Variants in WDR87 observed in about 807,000 individuals in gnomAD.
WDR87 encodes WD repeat-containing protein 87.
WDR87 carries 56 observed loss-of-function variants against 83.3 expected under a neutral mutation model. That is an observed-to-expected ratio of 0.67 (90% confidence interval 0.54 to 0.84). The LOEUF (loss-of-function observed/expected upper bound fraction) is 0.84, where lower values mean the gene tolerates loss of function less well. Among genes scored for constraint, WDR87 ranks in the 40% least tolerant of loss-of-function variants. The pLI is 0.00. For missense variants in WDR87, 2,939 were observed against 3,431.9 expected (o/e 0.86, Z 3.59); for synonymous variants, 1,173 against 1,250.6 (o/e 0.94, Z 1.31).
In WDR87 at chr19:37,898,214, A is replaced by C. The variant is rs2046271027; in HGVS notation, c.26T>G (p.Leu9Arg). Residue 9 changes from leucine (L) to arginine (R), a missense_variant, in exon 2 of 6, where the codon CTG becomes CGG. Around this residue, in one of 3 missense-constraint regions of WDR87, gnomAD observed 226 missense variants for 320.9 expected, o/e 0.70. Transcript: ENST00000447313. MSSPRLIPLWKDLKLLLND... is the reference protein window; with the variant it reads MSSPRLIPRWKDLKLLLND... The stretch of plus-strand genomic sequence containing the variant: ...TAGGAGGAGTTTTAAATCTTTCCAC[A>C]GGGGAATGAGCCTGGGGGAAGACAT... The C allele has an allele frequency of 2.6e-6, 4 of 1,551,582 alleles. No individual in the cohort carries two copies. The highest frequency in any genetic ancestry group is 2.6e-6 in the Non-Finnish European group (3 of 1,146,996).
At chr19:37,897,874 C>G (rs539241203) in intron 2 of WDR87, among the ~76,000 whole-genome samples, 2 of 152,042 alleles carry the variant, frequency 1.3e-5, no homozygotes, top group Non-Finnish European at 2.9e-5. Flanking sequence ...GGCGACAGAA[C>G]GAGACTGTGT....
rs185545120 is a variant in WDR87 at position 37,898,222 on chromosome 19, G to A, written c.18C>T (p.Leu6=). MSSPR[L]IPLWKDLKLL... is the part of the protein sequence containing the mutation. ...GTTTTAAATCTTTCCACAGGGGAATGAGCCTGGGGGAAGACATCACCGTCA... is the reference window on the plus strand; with the variant it reads ...GTTTTAAATCTTTCCACAGGGGAATAAGCCTGGGGGAAGACATCACCGTCA... Residue 6 remains leucine, a synonymous_variant, in exon 2 of 6, where the codon CTC becomes CTT. Coordinates refer to ENST00000447313, the MANE Select transcript of WDR87 (RefSeq NM_001291088.2). 103 of 1,551,650 alleles carry A rather than the reference G, an allele frequency of 6.6e-5. No individual in the cohort carries two copies. The highest frequency in any genetic ancestry group is 3.8e-4 in the African/African-American group (28 of 73,152).
intron 2 of WDR87, among the ~76,000 whole-genome samples, chr19:37,896,666 T>C (rs2046258546): frequency 6.6e-6 from 1 of 152,200 alleles, no homozygotes; most frequent in South Asian, 2.1e-4. Flanking sequence ...TTGCCCAGGC[T>C]GGAATGCAGT....
In WDR87 at chr19:37,893,846, A is replaced by T; in HGVS notation, c.1857T>A (p.Ser619Arg). The T allele has an allele frequency of 6.4e-7, 1 of 1,551,852 alleles. No homozygotes were observed. Among genetic ancestry groups the T allele is most frequent in the Non-Finnish European group, 8.7e-7 (1 of 1,147,032 alleles). The change falls in exon 4 of 6, where the codon AGT becomes AGA. Residue 619 changes from serine (S) to arginine (R), a missense_variant. Ser to Arg is a moderately radical substitution (Grantham distance 110, BLOSUM62 -1). Around this residue, in one of 3 missense-constraint regions of WDR87, gnomAD observed 553 missense variants for 577.9 expected, o/e 0.96. Coordinates refer to ENST00000447313, the MANE Select transcript of WDR87 (RefSeq NM_001291088.2). ...CATCGGCAGAACCTGTGACAAAAAG[A>T]CTCAAGGAGAGGCAGACATCAAAGG... ...ITSFDVCLSLSLFVTGSADGS... is the reference protein window; with the variant it reads ...ITSFDVCLSLRLFVTGSADGS...
At position 37,895,094 on chromosome 19, in the gene WDR87, C is replaced by T. The variant is rs1263946049; in HGVS notation, c.609G>A (p.Leu203=). 1.1e-5 allele frequency: 17 copies of T among 1,551,706 alleles called. No individual in the cohort carries two copies. Among genetic ancestry groups the T allele is most frequent in the Non-Finnish European group, 1.4e-5 (16 of 1,146,978 alleles). Residue 203 remains leucine, a synonymous_variant, in exon 4 of 6, where the codon CTG becomes CTA. Coordinates refer to ENST00000447313, the MANE Select transcript of WDR87 (RefSeq NM_001291088.2). ...CCAGGAGGGAGCCACTGGGACCATTCAGCACGATGTCCTGGACAAGCTCAT... is the reference window on the plus strand; with the variant it reads ...CCAGGAGGGAGCCACTGGGACCATTTAGCACGATGTCCTGGACAAGCTCAT... The part of the protein sequence containing the change: ...PGDELVQDIV[L]NGPSGSLLAL...
intron 3 of WDR87, 26 bp from the exon 4 acceptor site, chr19:37,895,482 C>T (rs754121185): frequency 6.5e-7 from 1 of 1,538,218 alleles, no homozygotes; most frequent in Non-Finnish European, 8.8e-7. Context: ...AAGGAAACTG[C>T]CTAGGCCGGG....
chr19:37,896,366 C>A (rs1445219918), intron 2 of WDR87, 58 bp from the exon 3 acceptor site: 20 of 1,517,772 alleles, frequency 1.3e-5, no homozygotes, highest in South Asian at 6.3e-5. Context: ...TAAATATATT[C>A]TCGCACAAGT....
Position 37,885,966 on chromosome 19 carries a change from G to A in WDR87, c.7705C>T (p.His2569Tyr). 2.6e-6 allele frequency: 4 copies of A among 1,552,150 alleles called. No individual in the cohort carries two copies. Among genetic ancestry groups the A allele is most frequent in the Non-Finnish European group, 2.6e-6 (3 of 1,147,086 alleles). The change falls in exon 6 of 6, where the codon CAT (histidine) becomes TAT (tyrosine). Residue 2569 changes from histidine (H) to tyrosine (Y), a missense_variant. By Grantham distance (83) the His-to-Tyr change is moderately conservative. Around this residue, in one of 3 missense-constraint regions of WDR87, gnomAD observed 2,160 missense variants for 2,533.1 expected, o/e 0.85. Transcript: ENST00000447313. ...VSLSDVEWIR[H>Y]VLERMEAGEQ... ...CCCGCTTCCATTCGTTCTAGGACAT[G>A]GCGGATCCACTCTACATCTGAGAGG...
At chr19:37,901,388 A>C (rs2046292966) in intron 1 of WDR87, among the ~76,000 whole-genome samples, 1 of 152,052 alleles carries the variant, frequency 6.6e-6, no homozygotes, top group Non-Finnish European at 1.5e-5. Flanking sequence ...CCGAGATTGC[A>C]GCACTGCATT....
In WDR87 at chr19:37,887,951, G is replaced by A; in HGVS notation, c.5720C>T (p.Thr1907Ile). 1 of 1,551,286 alleles carries A rather than the reference G, an allele frequency of 6.4e-7. No individual in the cohort carries two copies. Residue 1907 changes from threonine (T) to isoleucine (I), a missense_variant, in exon 6 of 6, where the codon ACC becomes ATC. Physicochemically the swap from Thr to Ile is moderately conservative, Grantham distance 89. Around this residue, in one of 3 missense-constraint regions of WDR87, gnomAD observed 2,160 missense variants for 2,533.1 expected, o/e 0.85. Coordinates refer to ENST00000447313, the MANE Select transcript of WDR87 (RefSeq NM_001291088.2). ...ENLLYNKERL[T>I]HSKKQLVQVK... ...TTGCACTAATTGCTTTTTGCTGTGG[G>A]TGAGTCTTTCTTTATTATAGAGTAG...
At chr19:37,900,525 C>T (rs936953686) in intron 1 of WDR87, among the ~76,000 whole-genome samples, 3 of 141,158 alleles carry the variant, frequency 2.1e-5, no homozygotes, top group African/African-American at 8.0e-5. Flanking sequence ...CACGCCACTG[C>T]ACTCTAGCCT....
At position 37,886,708 on chromosome 19, in the gene WDR87, T is replaced by C. The variant is rs540904747; in HGVS notation, c.6963A>G (p.Lys2321=). 9 of 1,450,120 alleles carry C rather than the reference T, an allele frequency of 6.2e-6. No individual in the cohort carries two copies. Among genetic ancestry groups the C allele is most frequent in the Non-Finnish European group, 8.4e-6 (9 of 1,068,222 alleles). The allele number at this position is 1,450,120 out of a possible 1,614,324, so 89.8% of individuals were successfully genotyped here. The change falls in exon 6 of 6, where the codon AAA becomes AAG. Residue 2321 remains lysine (K), a synonymous_variant. Transcript: ENST00000447313. ...TCTTCTTCTTCTTCTCCTCCTCTTC[T>C]TTCTCCACTTGCTTCTCCTCCCCTT... The part of the protein sequence containing the change: ...EEEGEEKQVE[K]EEEEKKKKKK...
intron 1 of WDR87, among the ~76,000 whole-genome samples, chr19:37,900,434 G>A (rs760018409): frequency 5.9e-5 from 9 of 151,502 alleles, no homozygotes; most frequent in Admixed American, 2.0e-4. Flanking sequence ...GGTGATGGGC[G>A]CCTGTAACTC....
At chr19:37,895,682 G>A (rs187208766) in intron 3 of WDR87, among the ~76,000 whole-genome samples, 4 of 148,846 alleles carry the variant, frequency 2.7e-5, no homozygotes, top group Admixed American at 1.4e-4. Context: ...CAGGAGAATC[G>A]CTTGAATTTG....
Position 37,894,466 on chromosome 19 carries a change from C to T in WDR87, c.1237G>A (p.Val413Met), listed in dbSNP as rs2145432605. ...TWPFSILDQA[V>M]DWAYDPGKEE... ...TTACCTGGGTCGTAGGCCCAATCCA[C>T]AGCCTGGTCCAGGATTGAGAAGGGC... Residue 413 changes from valine to methionine, a missense_variant, in exon 4 of 6, where the codon GTG (valine) becomes ATG (methionine). Physicochemically the swap from Val to Met is conservative, Grantham distance 21 (BLOSUM62 1). This residue lies in a region of WDR87 where 553 missense variants were observed against 577.9 expected (regional missense o/e 0.96). Coordinates refer to ENST00000447313, the MANE Select transcript of WDR87 (RefSeq NM_001291088.2). 6.4e-7 allele frequency: 1 copy of T among 1,551,748 alleles called. No individual in the cohort carries two copies. Among genetic ancestry groups the T allele is most frequent in the Non-Finnish European group, 8.7e-7 (1 of 1,147,010 alleles).
Position 37,885,108 on chromosome 19 carries a change from T to C in WDR87, c.8563A>G (p.Arg2855Gly). 2 of 1,465,176 alleles carry C rather than the reference T, an allele frequency of 1.4e-6. No individual in the cohort carries two copies. The highest frequency in any genetic ancestry group is 3.0e-5 in the South Asian group (2 of 67,586). The allele number at this position is 1,465,176 out of a possible 1,614,324, so 90.8% of individuals were successfully genotyped here. ...CLFCGSSHTP[R>G]SPQEFQGAVP... Reference sequence around the variant, plus strand: ...GCACCCTGGAACTCCTGAGGACTTCTAGGAGTATGAGAACTGCCACAAAAC... The same window carrying C: ...GCACCCTGGAACTCCTGAGGACTTCCAGGAGTATGAGAACTGCCACAAAAC... The change falls in exon 6 of 6, where the codon AGA becomes GGA. Residue 2855 changes from arginine to glycine, a missense_variant. Coordinates refer to ENST00000447313, the MANE Select transcript of WDR87 (RefSeq NM_001291088.2).
intron 1 of WDR87, among the ~76,000 whole-genome samples, chr19:37,900,962 CAAAAAAAAAAAAAAAA>C (rs878938966): frequency 6.8e-5 from 2 of 29,514 alleles, no homozygotes; most frequent in South Asian, 2.8e-3. Context: ...CCTGTCTCTA[CAAAAAAAAAAAAAAAA>C]AAAAAAAAAA....
chr19:37,896,377 C>A, intron 2 of WDR87, 69 bp from the exon 3 acceptor site: 1 of 1,502,256 alleles, frequency 6.7e-7, no homozygotes, highest in South Asian at 1.3e-5. Context: ...TCGCACAAGT[C>A]ACAGTTGGAG....
At position 37,894,870 on chromosome 19, in the gene WDR87, CTG is replaced by C. The variant is rs759138420; in HGVS notation, c.831_832del (p.His277GlnfsTer26). 4 of 1,551,722 alleles carry C rather than the reference CTG, an allele frequency of 2.6e-6. No homozygotes were observed. Among genetic ancestry groups the C allele is most frequent in the East Asian group, 2.4e-5 (1 of 40,916 alleles). ...CACTCCTGATTGATGGGCCTGGAAA[CTG>C]TGGAGTGGATGGCCCTGCTGGAGGC... is the stretch of plus-strand genomic sequence containing the variant. On this transcript the variant is annotated frameshift_variant, in exon 4 of 6. Coordinates refer to ENST00000447313, the MANE Select transcript of WDR87 (RefSeq NM_001291088.2). LOFTEE classifies it high-confidence loss of function.
Sources: gnomAD v4.1 joint callset for allele counts (sites outside exome capture counted in the v4.1 genomes callset) on GRCh38, gnomAD v4.1.1 for gene constraint, gnomAD v4.1.1 regional missense constraint, MANE v1.5 for transcripts, NCBI Gene and HGNC (gene_info 2026-07-23, HGNC 2026-07-21) for gene names.